KIF26B: variants seen among roughly 807,000 people sequenced by gnomAD.
KIF26B encodes kinesin family member 26B, also known as kinesin-like protein KIF26B.
A neutral mutation model predicts 151.2 loss-of-function variants in KIF26B; 63 were observed. That is an observed-to-expected ratio of 0.42 (90% confidence interval 0.34 to 0.51). The LOEUF (loss-of-function observed/expected upper bound fraction) is 0.51, where lower values mean the gene tolerates loss of function less well. Among genes scored for constraint, KIF26B ranks in the 20% least tolerant of loss-of-function variants. The probability of loss-of-function intolerance (pLI) is 0.07; values close to 1 mark genes in which losing one functional copy is unlikely to be tolerated. For missense variants in KIF26B, 2,813 were observed against 2,913.6 expected (o/e 0.97, Z 0.79); for synonymous variants, 1,357 against 1,262.1 (o/e 1.08, Z -1.59).
chr1:245,592,056 C>T (rs1174880600), intron 5 of KIF26B, among the ~76,000 whole-genome samples: 1 of 152,238 alleles, frequency 6.6e-6, no homozygotes, highest in African/African-American at 2.4e-5. Context: ...CCCCGAAGCG[C>T]TTCTTAGAGC....
At chr1:245,639,559 G>A (rs566120337) in intron 9 of KIF26B, among the ~76,000 whole-genome samples, 2 of 151,758 alleles carry the variant, frequency 1.3e-5, no homozygotes, top group East Asian at 1.9e-4. Context: ...GCAACATTAG[G>A]TTGTTTATAT....
At chr1:245,449,820 A>G (rs1659346045) in intron 4 of KIF26B, among the ~76,000 whole-genome samples, 1 of 152,226 alleles carries the variant, frequency 6.6e-6, no homozygotes, top group South Asian at 2.1e-4. Context: ...AGACAAAAAC[A>G]TGAATTTTAA....
At chr1:245,265,641 G>A (rs1276315056) in intron 2 of KIF26B, among the ~76,000 whole-genome samples, 3 of 150,032 alleles carry the variant, frequency 2.0e-5, no homozygotes, top group South Asian at 2.1e-4. Context: ...AGGCTGGAGT[G>A]TAGTGGCGTG....
Position 245,170,399 on chromosome 1 carries a change from T to A in KIF26B, c.465+13716T>A, listed in dbSNP as rs187218805. Among the ~76,000 whole-genome samples, 68 of 152,228 alleles carry A rather than the reference T, an allele frequency of 4.5e-4. 1 individual carries two copies. Among genetic ancestry groups the A allele is most frequent in the Admixed American group, 4.4e-3 (68 of 15,294 alleles). On this transcript the variant is annotated intron_variant, in intron 2 of 14. Transcript: ENST00000407071. The surrounding 1 kb of genome is among the most constrained non-coding windows in gnomAD (Gnocchi z 4.4). ...CTTCTACCCTTGCAGAATAAAGACATGTGGGAATGCTCACTGGATGCTTAC... is the reference window on the plus strand; with the variant it reads ...CTTCTACCCTTGCAGAATAAAGACAAGTGGGAATGCTCACTGGATGCTTAC...
chr1:245,393,269 G>C (rs374523177), intron 3 of KIF26B, among the ~76,000 whole-genome samples: 2 of 152,160 alleles, frequency 1.3e-5, no homozygotes, highest in African/African-American at 4.8e-5. Flanking sequence ...CTTTTCTGCT[G>C]TAATAATTTT....
At chr1:245,201,202 G>C (rs186000663) in intron 2 of KIF26B, among the ~76,000 whole-genome samples, 2 of 152,098 alleles carry the variant, frequency 1.3e-5, no homozygotes, top group African/African-American at 4.8e-5. Context: ...ACACTGCCTC[G>C]CCTCCTGATT....
chr1:245,519,525 G>A (rs950950210), intron 4 of KIF26B, among the ~76,000 whole-genome samples: 3 of 151,086 alleles, frequency 2.0e-5, no homozygotes, highest in Non-Finnish European at 2.9e-5. Context: ...CTGCACTCCA[G>A]CCTGGGTGAC....
At chr1:245,650,417 C>T (rs993538008) in intron 10 of KIF26B, among the ~76,000 whole-genome samples, 5 of 152,254 alleles carry the variant, frequency 3.3e-5, no homozygotes, top group African/African-American at 1.2e-4. Context: ...AGAAGAACCG[C>T]CACAAGGATC....
chr1:245,230,088 G>A (rs577312985), intron 2 of KIF26B, among the ~76,000 whole-genome samples: 21 of 150,282 alleles, frequency 1.4e-4, no homozygotes, highest in African/African-American at 4.9e-4. Flanking sequence ...AGCCGAGATC[G>A]CGTTATTGCA....
intron 10 of KIF26B, among the ~76,000 whole-genome samples, chr1:245,666,715 G>T (rs1045178547): frequency 3.3e-5 from 5 of 152,074 alleles, no homozygotes; most frequent in Admixed American, 2.0e-4. Flanking sequence ...TTACATGCCA[G>T]AGGTATTTAA....
At chr1:245,186,849 T>C (rs530089422) in intron 2 of KIF26B, among the ~76,000 whole-genome samples, 2 of 152,204 alleles carry the variant, frequency 1.3e-5, no homozygotes, top group Non-Finnish European at 2.9e-5. Context: ...ACTTTTTTTT[T>C]TCTTTCTTTC....
intron 4 of KIF26B, among the ~76,000 whole-genome samples, chr1:245,467,076 T>A (rs1446987906): frequency 6.6e-6 from 1 of 152,240 alleles, no homozygotes; most frequent in African/African-American, 2.4e-5. Context: ...TCCAACCAGA[T>A]GCTAAAAATG....
intron 2 of KIF26B, among the ~76,000 whole-genome samples, chr1:245,226,986 C>T (rs77960646): frequency 0.013 from 1,982 of 152,320 alleles, 20 homozygotes; most frequent in African/African-American, 0.024. Flanking sequence ...CTTTGTCAGG[C>T]AGCATCTTTC....
chr1:245,180,719 T>TG (rs1668890693), intron 2 of KIF26B, among the ~76,000 whole-genome samples: 1 of 150,646 alleles, frequency 6.6e-6, no homozygotes, highest in Admixed American at 6.6e-5. Flanking sequence ...GAAATGGTGG[T>TG]GGTGGGGGTA....
At chr1:245,311,527 A>G (rs1671666020) in intron 2 of KIF26B, among the ~76,000 whole-genome samples, 1 of 151,258 alleles carries the variant, frequency 6.6e-6, no homozygotes, top group East Asian at 1.9e-4. Flanking sequence ...TGCTTGAGCC[A>G]GGAGTTCGAG....
chr1:245,695,139 T>C (rs994448890), intron 12 of KIF26B, among the ~76,000 whole-genome samples: 16 of 152,106 alleles, frequency 1.1e-4, no homozygotes, highest in African/African-American at 3.9e-4. Flanking sequence ...GGCATCTGCT[T>C]GAGAGGTGGA....
intron 2 of KIF26B, among the ~76,000 whole-genome samples, chr1:245,252,137 G>A (rs903897523): frequency 4.0e-5 from 6 of 151,852 alleles, no homozygotes; most frequent in South Asian, 2.1e-4. Context: ...TTAGCTGGAT[G>A]TGGTGGTGCG....
chr1:245,580,510 A>C (rs1224891488), intron 5 of KIF26B, among the ~76,000 whole-genome samples: 2 of 152,230 alleles, frequency 1.3e-5, no homozygotes, highest in Non-Finnish European at 2.9e-5. Context: ...CCTAGGTCCG[A>C]AGGGTCAAAA....
chr1:245,417,653 C>G (rs896252590), intron 3 of KIF26B, among the ~76,000 whole-genome samples: 2 of 152,236 alleles, frequency 1.3e-5, no homozygotes, highest in African/African-American at 4.8e-5. Flanking sequence ...AGTCAGGAAG[C>G]TCGTGCATTG....
Sources: gnomAD v4.1 joint callset for allele counts (sites outside exome capture counted in the v4.1 genomes callset) on GRCh38, gnomAD v4.1.1 for gene constraint, Gnocchi (gnomAD v3.1) non-coding constraint, MANE v1.5 for transcripts, NCBI Gene and HGNC (gene_info 2026-07-23, HGNC 2026-07-21) for gene names.